GPC3: variants seen among roughly 807,000 people sequenced by gnomAD.
GPC3 encodes the protein glypican-3.
Under a neutral mutation model 34.4 loss-of-function variants are expected in GPC3, and 3 were observed. That is an observed-to-expected ratio of 0.09 (90% CI 0.04 to 0.23). The LOEUF (loss-of-function observed/expected upper bound fraction) is 0.23. Among genes scored for constraint, GPC3 ranks in the 10% least tolerant of loss-of-function variants. GPC3 has a pLI of 1.00. For missense variants in GPC3, 351 were observed against 445.6 expected, an observed-to-expected ratio of 0.79 and a Z score of 1.91; for synonymous variants, 177 against 174.0, an observed-to-expected ratio of 1.02 and a Z score of -0.13.
At chrX:133,927,092 C>G (rs1212045930) in intron 2 of GPC3, among the ~76,000 whole-genome samples, 2 of 110,980 alleles carry the variant, frequency 1.8e-5, no homozygotes, top group South Asian at 3.8e-4. Context: ...GGGTTCCGCT[C>G]CAGTACATGA....
intron 7 of GPC3, among the ~76,000 whole-genome samples, chrX:133,541,244 T>TA (rs2069339901): frequency 1.9e-5 from 2 of 106,945 alleles, no homozygotes. Flanking sequence ...GTAGCAAAGT[T>TA]AAAAAAACAA....
intron 2 of GPC3, among the ~76,000 whole-genome samples, chrX:133,875,135 A>G (rs1286029165): frequency 8.9e-6 from 1 of 111,969 alleles, no homozygotes; most frequent in Non-Finnish European, 1.9e-5. Flanking sequence ...TGAAATCACA[A>G]AGCTGGTTAG....
chrX:133,548,078 C>T (rs980507969), intron 7 of GPC3, among the ~76,000 whole-genome samples: 1 of 112,233 alleles, frequency 8.9e-6, no homozygotes, highest in Admixed American at 9.5e-5. Flanking sequence ...TAAATGAAAG[C>T]ATACACTCTG....
At chrX:133,574,794 C>T (rs1460401258) in intron 7 of GPC3, among the ~76,000 whole-genome samples, 3 of 112,402 alleles carry the variant, frequency 2.7e-5, no homozygotes, top group Non-Finnish European at 5.6e-5. Flanking sequence ...CTTATCTTTA[C>T]TGTCTTTGCT....
intron 7 of GPC3, among the ~76,000 whole-genome samples, chrX:133,591,293 G>A (rs1205649837): frequency 8.9e-6 from 1 of 112,074 alleles, no homozygotes; most frequent in Non-Finnish European, 1.9e-5. Context: ...ATAAATGGAT[G>A]CTGATGAATC....
At chrX:133,717,417 G>A (rs763123328) in intron 3 of GPC3, among the ~76,000 whole-genome samples, 53 of 111,296 alleles carry the variant, frequency 4.8e-4, no homozygotes, top group Non-Finnish European at 6.2e-4. Flanking sequence ...CAGACAGCCC[G>A]GTACCACACC....
rs1465228380 is a variant in GPC3, at chrX:133,709,111, A to G, written c.1033-9083T>C. On this transcript the variant is annotated intron_variant, in intron 3 of 7. Transcript: ENST00000370818. ...TAAATGTTTGTGCTTATGCAAATAT[A>G]TCATTCTCTTAATTGAAGTGTTATT... Among the ~76,000 whole-genome samples, 5 of 112,233 alleles carry G rather than the reference A, an allele frequency of 4.5e-5. No individual in the cohort carries two copies. The Admixed American group carries it at 4.7e-4, about 11-fold the overall frequency.
At chrX:133,766,347 C>T (rs1324345864) in intron 2 of GPC3, among the ~76,000 whole-genome samples, 1 of 112,022 alleles carries the variant, frequency 8.9e-6, no homozygotes, top group Non-Finnish European at 1.9e-5. Context: ...ATGCAAACAA[C>T]TTATCCCTGG....
chrX:133,596,626 C>T (rs754491975), intron 6 of GPC3, 27 bp from the exon 7 acceptor site: 2 of 1,196,659 alleles, frequency 1.7e-6, no homozygotes, highest in Non-Finnish European at 2.3e-6. Context: ...AGGAATGCAT[C>T]AGCTCTTCAT....
At chrX:133,831,774 T>C (rs2124544416) in intron 2 of GPC3, among the ~76,000 whole-genome samples, 1 of 112,544 alleles carries the variant, frequency 8.9e-6, no homozygotes, top group Non-Finnish European at 1.9e-5. Flanking sequence ...AATTTAAAAA[T>C]GGGCAAAAGA....
At chrX:133,601,401 C>T (rs1338429007) in intron 6 of GPC3, among the ~76,000 whole-genome samples, 1 of 111,635 alleles carries the variant, frequency 9.0e-6, no homozygotes, top group African/African-American at 3.2e-5. Context: ...CTTATTAAAA[C>T]TGTATTTTCA....
rs1341385951 is a variant in GPC3 at position 133,720,961 on chromosome X, C to T, written c.1033-20933G>A. Among the ~76,000 whole-genome samples the T allele has an allele frequency of 4.6e-5, 5 of 109,591 alleles. No homozygotes were observed. In the East Asian group the frequency reaches 1.4e-3, roughly 32 times the overall value. Reference sequence around the variant, plus strand: ...GTACACTGCTCAGGTGATGGATGCACCAAAATCTCACAAATCATCATTAAA... The same window carrying T: ...GTACACTGCTCAGGTGATGGATGCATCAAAATCTCACAAATCATCATTAAA... On this transcript the variant is annotated intron_variant, in intron 3 of 7. Coordinates refer to ENST00000370818, the MANE Select transcript of GPC3 (RefSeq NM_004484.4).
At chrX:133,855,778 A>G (rs2075898224) in intron 2 of GPC3, among the ~76,000 whole-genome samples, 1 of 110,113 alleles carries the variant, frequency 9.1e-6, no homozygotes, top group Non-Finnish European at 1.9e-5. Flanking sequence ...TTTTCTCCCC[A>G]CTACTCCAAT....
intron 3 of GPC3, among the ~76,000 whole-genome samples, chrX:133,721,473 C>A (rs187157615): frequency 5.0e-4 from 56 of 111,052 alleles, no homozygotes; most frequent in African/African-American, 1.8e-3. Flanking sequence ...TGAATAGATT[C>A]ATAAATAAAG....
intron 2 of GPC3, among the ~76,000 whole-genome samples, chrX:133,835,383 G>T (rs1250421541): frequency 2.7e-5 from 3 of 111,970 alleles, no homozygotes; most frequent in Admixed American, 9.5e-5. Flanking sequence ...CAATAATATA[G>T]CATCTCATGA....
intron 6 of GPC3, among the ~76,000 whole-genome samples, chrX:133,601,107 T>G (rs1159883831): frequency 8.9e-6 from 1 of 112,027 alleles, no homozygotes; most frequent in Non-Finnish European, 1.9e-5. Context: ...CATTCCAGCT[T>G]TTTCTACAGC....
intron 2 of GPC3, among the ~76,000 whole-genome samples, chrX:133,896,993 A>G (rs1290913933): frequency 4.2e-5 from 4 of 95,862 alleles, no homozygotes; most frequent in South Asian, 5.0e-4. Flanking sequence ...TGCAAGCTCC[A>G]CCTCCCGGGT....
intron 5 of GPC3, among the ~76,000 whole-genome samples, chrX:133,684,334 A>G (rs2070974983): frequency 1.8e-5 from 2 of 111,838 alleles, no homozygotes; most frequent in African/African-American, 6.5e-5. Flanking sequence ...TGTCCCTCCC[A>G]CCAGCCTTTC....
chrX:133,647,951 A>G (rs1424776534), intron 6 of GPC3, among the ~76,000 whole-genome samples: 2 of 112,294 alleles, frequency 1.8e-5, no homozygotes, highest in East Asian at 5.6e-4. Context: ...AAGGTTCAAT[A>G]AGGGACAAAT....
Sources: gnomAD v4.1 joint callset for allele counts (sites outside exome capture counted in the v4.1 genomes callset) on GRCh38, gnomAD v4.1.1 for gene constraint, MANE v1.5 for transcripts, NCBI Gene and HGNC (gene_info 2026-07-23, HGNC 2026-07-21) for gene names.